The following ABI1 variants were observed in gnomAD, a reference collection of about 807,000 sequenced individuals.
ABI1 encodes Abelson interactor 1.
Under a neutral mutation model 54.6 loss-of-function variants are expected in ABI1, and 14 were observed. The observed-to-expected ratio is 0.26, with a 90% CI of 0.17 to 0.40. The LOEUF (loss-of-function observed/expected upper bound fraction) is 0.40, where lower values mean the gene tolerates loss of function less well. ABI1 is among the 10% of genes least tolerant of loss of function. The pLI, the probability that ABI1 is intolerant of heterozygous loss-of-function variation, is 1.00. For synonymous variants in ABI1, 194 were observed against 209.3 expected, an observed-to-expected ratio of 0.93 and a Z score of 0.63; for missense variants, 443 against 598.3, an observed-to-expected ratio of 0.74 and a Z score of 2.71.
At chr10:26,808,781 G>A (rs1197578678) in intron 2 of ABI1, among the ~76,000 whole-genome samples, 4 of 151,932 alleles carry the variant, frequency 2.6e-5, no homozygotes, top group African/African-American at 9.7e-5. Context: ...TTCTAACTAT[G>A]GATTTCACAG....
rs190514332 is a variant in ABI1, at chr10:26,756,034, T to G, written c.998-293A>C. Among the ~76,000 whole-genome samples, 100 of 152,292 alleles carry G rather than the reference T, an allele frequency of 6.6e-4. 1 individual carries two copies. The highest frequency in any genetic ancestry group is 2.3e-3 in the African/African-American group (97 of 41,556). On this transcript the variant is annotated intron_variant, in intron 8 of 10. Coordinates refer to ENST00000376140, the MANE Select transcript of ABI1 (RefSeq NM_001012750.3). The stretch of plus-strand genomic sequence containing the variant: ...ACATTGTTTGGGGAGGATTTAAATT[T>G]ACCATCACATTCACTTTAGTAAAAT...
chr10:26,761,119 T>C (rs776882587), intron 7 of ABI1, among the ~76,000 whole-genome samples: 6 of 151,892 alleles, frequency 4.0e-5, no homozygotes, highest in Non-Finnish European at 8.8e-5. Flanking sequence ...ATTTTTTATG[T>C]TTTGTAGAGA....
At chr10:26,765,446 C>T (rs7915128) in intron 6 of ABI1, 128 bp from the exon 7 acceptor site, 346,025 of 701,068 alleles carry the variant, frequency 0.49, 90,688 homozygotes, top group African/African-American at 0.81. Flanking sequence ...CCTTGGAGGA[C>T]TGGTTTCAAG....
rs1181710038 is a variant in ABI1, at chr10:26,859,846, C to CTGT, written c.117+900_117+901insACA. 3.9e-5 allele frequency among the ~76,000 whole-genome samples: 6 copies of CTGT among 152,274 alleles called. No homozygotes were observed. In the South Asian group the frequency reaches 1.0e-3, roughly 26 times the overall value. On this transcript the variant is annotated intron_variant, in intron 1 of 10. Coordinates refer to ENST00000376140, the MANE Select transcript of ABI1 (RefSeq NM_001012750.3). Reference sequence around the variant, plus strand: ...GTCTATTTTAAGTTACTTATGAAGCCTACAGCTCAAGAACTTTTGGGAGAA... The same window carrying CTGT: ...GTCTATTTTAAGTTACTTATGAAGCCTGTTACAGCTCAAGAACTTTTGGGAGAA...
rs559039650 is a variant in ABI1 at position 26,840,813 on chromosome 10, A to G, written c.118-17508T>C. Among the ~76,000 whole-genome samples, 36 of 152,352 alleles carry G rather than the reference A, an allele frequency of 2.4e-4. No individual in the cohort carries two copies. In the South Asian group the frequency reaches 6.8e-3, roughly 29 times the overall value. The stretch of plus-strand genomic sequence containing the variant: ...CAGATCCCAGGCAAATAGGTAATTT[A>G]ATCACTTAGAAATCTAAACACCAAT... On this transcript the variant is annotated intron_variant, in intron 1 of 10. Coordinates refer to ENST00000376140, the MANE Select transcript of ABI1 (RefSeq NM_001012750.3).
intron 1 of ABI1, among the ~76,000 whole-genome samples, chr10:26,831,034 C>CT (rs2048637965): frequency 6.6e-6 from 1 of 152,128 alleles, no homozygotes; most frequent in African/African-American, 2.4e-5. Context: ...GTTGCTGGGA[C>CT]TGATAACAGT....
chr10:26,846,556 T>G (rs2049995506), intron 1 of ABI1, among the ~76,000 whole-genome samples: 1 of 152,112 alleles, frequency 6.6e-6, no homozygotes, highest in Non-Finnish European at 1.5e-5. Flanking sequence ...TTGGCCAGAC[T>G]GGTCTCAAAT....
chr10:26,818,631 C>CACAAAAAA (rs2047747247), intron 2 of ABI1, among the ~76,000 whole-genome samples: 2 of 73,092 alleles, frequency 2.7e-5, no homozygotes, highest in African/African-American at 1.1e-4. Flanking sequence ...GACCCCGTCA[C>CACAAAAAA]AAAAAAAAAA....
intron 7 of ABI1, among the ~76,000 whole-genome samples, chr10:26,761,659 T>TATATATATATATATAC (rs1839224818): frequency 1.1e-5 from 1 of 88,154 alleles, no homozygotes; most frequent in African/African-American, 5.1e-5. Flanking sequence ...TATATATATA[T>TATATATATATATATAC]ATACACACAC....
chr10:26,796,549 T>G (rs757629006), intron 2 of ABI1, among the ~76,000 whole-genome samples: 14 of 152,024 alleles, frequency 9.2e-5, no homozygotes, highest in Non-Finnish European at 1.9e-4. Context: ...GTACACTCTA[T>G]GATGTTCACA....
At chr10:26,781,597 T>G (rs542207462) in intron 2 of ABI1, among the ~76,000 whole-genome samples, 1 of 152,316 alleles carries the variant, frequency 6.6e-6, no homozygotes, top group African/African-American at 2.4e-5. Context: ...TCAAGGACAT[T>G]CTCACAGATC....
At chr10:26,836,558 TTA>T (rs1471293101) in intron 1 of ABI1, among the ~76,000 whole-genome samples, 1 of 152,204 alleles carries the variant, frequency 6.6e-6, no homozygotes, top group Non-Finnish European at 1.5e-5. Context: ...TATGAGTGAT[TTA>T]TGTTTTCATC....
At chr10:26,855,949 T>C (rs10829123) in intron 1 of ABI1, among the ~76,000 whole-genome samples, 36,120 of 134,174 alleles carry the variant, frequency 0.27, 5,056 homozygotes, top group South Asian at 0.44. Flanking sequence ...CCAGCCTGGG[T>C]GACAGAGCAA....
intron 1 of ABI1, among the ~76,000 whole-genome samples, chr10:26,851,380 A>G (rs909129802): frequency 1.4e-4 from 12 of 86,578 alleles, no homozygotes; most frequent in African/African-American, 1.9e-4. Flanking sequence ...TTTTTGAGAC[A>G]GGGTCTTGCT....
At chr10:26,851,959 GC>G (rs2050426935) in intron 1 of ABI1, among the ~76,000 whole-genome samples, 6 of 152,154 alleles carry the variant, frequency 3.9e-5, no homozygotes, top group Admixed American at 1.3e-4. Flanking sequence ...TGTTGAGGGC[GC>G]ACTTTTGAGT....
chr10:26,801,541 T>C (rs1360860451), intron 2 of ABI1, among the ~76,000 whole-genome samples: 1 of 150,968 alleles, frequency 6.6e-6, no homozygotes, highest in African/African-American at 2.4e-5. Flanking sequence ...GACCAGAACT[T>C]GTCTCAAAAA....
chr10:26,820,869 A>G (rs1032948408), intron 2 of ABI1, among the ~76,000 whole-genome samples: 6 of 152,066 alleles, frequency 3.9e-5, no homozygotes, highest in African/African-American at 1.4e-4. Context: ...TTAGAGGGAC[A>G]TTTACAGACC....
intron 2 of ABI1, among the ~76,000 whole-genome samples, chr10:26,821,632 T>C (rs1420918294): frequency 6.6e-6 from 1 of 152,058 alleles, no homozygotes; most frequent in Non-Finnish European, 1.5e-5. Flanking sequence ...ACCCCGTCTC[T>C]ACTAAAAATA....
intron 7 of ABI1, among the ~76,000 whole-genome samples, chr10:26,762,039 C>G (rs1839302355): frequency 6.6e-6 from 1 of 152,084 alleles, no homozygotes; most frequent in African/African-American, 2.4e-5. Context: ...TGGGGTCTCA[C>G]TCTGTCACCC....
Sources: allele counts gnomAD v4.1 joint callset (sites outside exome capture counted in the v4.1 genomes callset), GRCh38; gene constraint gnomAD v4.1.1; transcripts MANE v1.5; gene names NCBI Gene and HGNC (gene_info 2026-07-23, HGNC 2026-07-21).